Variants in BMP7 observed in about 807,000 individuals in gnomAD.
BMP7 encodes bone morphogenetic protein 7.
BMP7 carries 12 observed loss-of-function variants against 41.2 expected under a neutral mutation model. The ratio of observed to expected loss-of-function variants is 0.29; its 90% CI spans 0.19 to 0.47. The LOEUF is 0.47. BMP7 is among the 20% of genes least tolerant of loss of function. The pLI, the probability that BMP7 is intolerant of heterozygous loss-of-function variation, is 0.99. For synonymous variants in BMP7, 248 were observed against 250.0 expected, an observed-to-expected ratio of 0.99 and a Z score of 0.07; for missense variants, 467 against 606.0, an observed-to-expected ratio of 0.77 and a Z score of 2.41.
chr20:57,179,580 C>G (rs968674030), intron 4 of BMP7, among the ~76,000 whole-genome samples: 1 of 152,186 alleles, frequency 6.6e-6, no homozygotes, highest in Non-Finnish European at 1.5e-5. Context: ...GGTAGCGTGC[C>G]GGAGCATGTG....
At chr20:57,264,252 G>A (rs2066164988) in intron 1 of BMP7, among the ~76,000 whole-genome samples, 1 of 152,122 alleles carries the variant, frequency 6.6e-6, no homozygotes, top group Non-Finnish European at 1.5e-5. Flanking sequence ...CTTCCCCCGC[G>A]CCCCCAGTCC....
At chr20:57,252,531 T>A (rs1278058107) in intron 1 of BMP7, among the ~76,000 whole-genome samples, 4 of 152,214 alleles carry the variant, frequency 2.6e-5, no homozygotes, top group South Asian at 2.1e-4. Flanking sequence ...CAGTCCTCGA[T>A]GTGTGTTTAA....
At chr20:57,204,253 C>A (rs1021623573) in intron 2 of BMP7, among the ~76,000 whole-genome samples, 6 of 152,220 alleles carry the variant, frequency 3.9e-5, no homozygotes, top group African/African-American at 1.4e-4. Context: ...CACACATCTC[C>A]GGTTGGCTCC....
Position 57,172,850 on chromosome 20 carries a change from T to C in BMP7, c.1146+350A>G, listed in dbSNP as rs1337441952. ...CCCTCACTGAAATTTCTCATCTGTT[T>C]ACCTGTTTCCTCTACTGGAAAATGA... On this transcript the variant is annotated intron_variant, in intron 6 of 6. Transcript: ENST00000395863. 5 of 561,722 alleles carry C rather than the reference T, an allele frequency of 8.9e-6. No individual in the cohort carries two copies. In the East Asian group the frequency reaches 9.0e-5, roughly 10 times the overall value. 34.8% of individuals were successfully genotyped at this position (561,722 alleles called of 1,614,324 possible).
At chr20:57,207,168 A>T (rs930587119) in intron 2 of BMP7, among the ~76,000 whole-genome samples, 9 of 152,210 alleles carry the variant, frequency 5.9e-5, no homozygotes, top group African/African-American at 2.2e-4. Flanking sequence ...GAAGCCTATC[A>T]TTTCTATTTT....
At chr20:57,199,618 G>A (rs1447439643) in intron 3 of BMP7, among the ~76,000 whole-genome samples, 6 of 152,288 alleles carry the variant, frequency 3.9e-5, no homozygotes, top group East Asian at 3.9e-4. Context: ...CCTGAAGGAC[G>A]CCAGGCTTGA....
intron 2 of BMP7, among the ~76,000 whole-genome samples, chr20:57,212,395 C>T (rs150114812): frequency 9.1e-4 from 138 of 152,292 alleles, no homozygotes; most frequent in Admixed American, 2.9e-3. Flanking sequence ...TCTTGCTGAG[C>T]GCTGGGAAGC....
chr20:57,198,862 C>T (rs901591425), intron 3 of BMP7, among the ~76,000 whole-genome samples: 1 of 152,216 alleles, frequency 6.6e-6, no homozygotes, highest in Non-Finnish European at 1.5e-5. Flanking sequence ...AAATTACTAT[C>T]CTCCACATGC....
At chr20:57,176,750 TCACACACACACACACACACACA>T (rs60465573) in intron 4 of BMP7, among the ~76,000 whole-genome samples, 69 of 135,510 alleles carry the variant, frequency 5.1e-4, no homozygotes, top group African/African-American at 1.7e-3. Context: ...CATTCTCCAT[TCACACACACACACACACACACA>T]CACACACACA....
At position 57,259,437 on chromosome 20, in the gene BMP7, A is replaced by G. The variant is rs1415818413; in HGVS notation, c.418+6268T>C. ...GTTTATACTTGGCCAGCCCTTTGAA[A>G]TACTGTACCATGCTACCGACATCAA... On this transcript the variant is annotated intron_variant, in intron 1 of 6. Coordinates refer to ENST00000395863, the MANE Select transcript of BMP7 (RefSeq NM_001719.3). This position sits in a 1 kb window ranked among gnomAD's most constrained non-coding sequence, Gnocchi z 4.7. Among the ~76,000 whole-genome samples the G allele has an allele frequency of 1.3e-5, 2 of 152,226 alleles. No homozygotes were observed. Among genetic ancestry groups the G allele is most frequent in the African/African-American group, 2.4e-5 (1 of 41,452 alleles).
At position 57,213,869 on chromosome 20, in the gene BMP7, T is replaced by C. The variant is rs900306671; in HGVS notation, c.612-11246A>G. Among the ~76,000 whole-genome samples, 2 of 152,140 alleles carry C rather than the reference T, an allele frequency of 1.3e-5. No individual in the cohort carries two copies. The highest frequency in any genetic ancestry group is 4.8e-5 in the African/African-American group (2 of 41,430). The stretch of plus-strand genomic sequence containing the variant: ...TTTGTTTGTAAAATGGAGGTAGCCA[T>C]GAGGATTGTTCTGAGAATGAGTTAA... On this transcript the variant is annotated intron_variant, in intron 2 of 6. Coordinates refer to ENST00000395863, the MANE Select transcript of BMP7 (RefSeq NM_001719.3). This position sits in a 1 kb window ranked among gnomAD's most constrained non-coding sequence, Gnocchi z 4.4.
intron 4 of BMP7, among the ~76,000 whole-genome samples, chr20:57,180,838 G>A (rs1984064185): frequency 6.6e-6 from 1 of 152,150 alleles, no homozygotes; most frequent in Non-Finnish European, 1.5e-5. Flanking sequence ...GGGTCAGGAA[G>A]CCTTGTCTTA....
At chr20:57,249,152 T>C (rs547531614) in intron 1 of BMP7, among the ~76,000 whole-genome samples, 2 of 152,104 alleles carry the variant, frequency 1.3e-5, no homozygotes, top group African/African-American at 4.8e-5. Flanking sequence ...CAGAAGCAGG[T>C]AGTGGCCATT....
chr20:57,255,883 T>C (rs539356417), intron 1 of BMP7, among the ~76,000 whole-genome samples: 1 of 150,970 alleles, frequency 6.6e-6, no homozygotes, highest in Non-Finnish European at 1.5e-5. Flanking sequence ...AGCTCTTCCA[T>C]TGTGGACAAG....
intron 2 of BMP7, among the ~76,000 whole-genome samples, chr20:57,220,671 C>T (rs1401456341): frequency 6.6e-6 from 1 of 152,172 alleles, no homozygotes; most frequent in Non-Finnish European, 1.5e-5. Flanking sequence ...AAACAAGAAC[C>T]GACCTACCCT....
chr20:57,172,609 A>G (rs1435978479), intron 6 of BMP7, among the ~76,000 whole-genome samples: 2 of 142,016 alleles, frequency 1.4e-5, no homozygotes, highest in African/African-American at 5.4e-5. Flanking sequence ...GATTCTAAGC[A>G]AAAGAACAAA....
At chr20:57,185,716 A>C (rs1984193494) in intron 3 of BMP7, among the ~76,000 whole-genome samples, 2 of 152,240 alleles carry the variant, frequency 1.3e-5, no homozygotes, top group African/African-American at 4.8e-5. Flanking sequence ...AGGCAGGTTC[A>C]AAGCCCTGCC....
chr20:57,261,122 C>T lies in BMP7; in HGVS notation c.418+4583G>A, dbSNP rs917788160. ...CAGTTGTCTCTGAGTTCAGCGGACA[C>T]GTGATATTCACTCACATCGCAGGCA... On this transcript the variant is annotated intron_variant, in intron 1 of 6. Transcript: ENST00000395863. This position sits in a 1 kb window ranked among gnomAD's most constrained non-coding sequence, Gnocchi z 4.1. 4.6e-5 allele frequency among the ~76,000 whole-genome samples: 7 copies of T among 152,306 alleles called. No individual in the cohort carries two copies. In the South Asian group the frequency reaches 6.2e-4, roughly 14 times the overall value.
chr20:57,230,868 G>C (rs561355549), intron 1 of BMP7, among the ~76,000 whole-genome samples: 3 of 151,738 alleles, frequency 2.0e-5, no homozygotes, highest in Non-Finnish European at 4.4e-5. Flanking sequence ...AGTAGAGATG[G>C]GATTTTCACC....
Sources: gnomAD v4.1 joint callset for allele counts (sites outside exome capture counted in the v4.1 genomes callset) on GRCh38, gnomAD v4.1.1 for gene constraint, Gnocchi (gnomAD v3.1) non-coding constraint, MANE v1.5 for transcripts, NCBI Gene and HGNC (gene_info 2026-07-23, HGNC 2026-07-21) for gene names.